The following GABRG3 variants were observed in gnomAD, a reference collection of about 807,000 sequenced individuals.
The protein encoded by GABRG3 is gamma-aminobutyric acid type A receptor subunit gamma3, also known as gamma-aminobutyric acid receptor subunit gamma-3.
A neutral mutation model predicts 48.8 loss-of-function variants in GABRG3; 25 were observed. The observed-to-expected ratio is 0.51, with a 90% CI of 0.37 to 0.72. GABRG3 has a LOEUF of 0.72. GABRG3 is among the 30% of genes least tolerant of loss of function. The pLI is 0.00. For missense variants in GABRG3, 394 were observed against 577.9 expected, an observed-to-expected ratio of 0.68 and a Z score of 3.26; for synonymous variants, 227 against 217.6, an observed-to-expected ratio of 1.04 and a Z score of -0.38.
chr15:27,375,975 C>T (rs1895581913), intron 5 of GABRG3, among the ~76,000 whole-genome samples: 1 of 152,172 alleles, frequency 6.6e-6, no homozygotes, highest in Admixed American at 6.5e-5. Flanking sequence ...GTTCCTTCTG[C>T]CTATGAGCCT....
intron 5 of GABRG3, among the ~76,000 whole-genome samples, chr15:27,431,312 A>C (rs981819790): frequency 2.0e-5 from 3 of 152,140 alleles, no homozygotes; most frequent in African/African-American, 4.8e-5. Flanking sequence ...TCATTTTTGT[A>C]ACTCGCCTTT....
rs1032848888 is a variant in GABRG3, at chr15:27,286,055, G to A, written c.271-40754G>A. On this transcript the variant is annotated intron_variant, in intron 3 of 9. Coordinates refer to ENST00000615808, the MANE Select transcript of GABRG3 (RefSeq NM_033223.5). ...TAAAAACTAAGTAATCATGGGGATC[G>A]ATCACAGAACATGAAATTAATCTTA... Among the ~76,000 whole-genome samples the A allele has an allele frequency of 4.6e-5, 7 of 152,178 alleles. No individual in the cohort carries two copies. The South Asian group carries it at 8.3e-4, about 18-fold the overall frequency.
chr15:27,528,785 T>C (rs1891346239), intron 9 of GABRG3, among the ~76,000 whole-genome samples: 1 of 152,184 alleles, frequency 6.6e-6, no homozygotes. Context: ...CTTTCATTAG[T>C]ATTTTAAGGT....
At chr15:27,001,395 C>T (rs1170598377) in intron 2 of GABRG3, among the ~76,000 whole-genome samples, 2 of 152,226 alleles carry the variant, frequency 1.3e-5, no homozygotes, top group Non-Finnish European at 2.9e-5. Flanking sequence ...AGTCCTCCAA[C>T]TGTCTGTAGA....
chr15:27,204,633 A>G (rs994274382), intron 3 of GABRG3, among the ~76,000 whole-genome samples: 1 of 152,186 alleles, frequency 6.6e-6, no homozygotes, highest in African/African-American at 2.4e-5. Context: ...TTTGGGCAGT[A>G]TAGCCATTTT....
In GABRG3 at chr15:27,284,774, C is replaced by T. The variant is rs148000038; in HGVS notation, c.271-42035C>T. Among the ~76,000 whole-genome samples the T allele has an allele frequency of 1.3e-3, 202 of 152,340 alleles. 1 individual carries two copies. Among genetic ancestry groups the T allele is most frequent in the African/African-American group, 4.6e-3 (191 of 41,562 alleles). ...ACAGGACTGTTGCTTCTTTCCTCAA[C>T]TTTGCTCCAGGCCATAATGATGAAA... On this transcript the variant is annotated intron_variant, in intron 3 of 9. Transcript: ENST00000615808.
chr15:27,527,880 G>T, intron 8 of GABRG3, 53 bp from the exon 9 acceptor site: 1 of 1,388,970 alleles, frequency 7.2e-7, no homozygotes, highest in South Asian at 1.2e-5. Context: ...GAGTGATCTT[G>T]GATGCAAATG....
rs1274976364 is a variant in GABRG3 at position 26,975,472 on chromosome 15, A to G, written c.54-1530A>G. ...AGTCATTCTTTGAGACATATGCCGT[A>G]TACTCATTGTCAACATCTCTCATTT... On this transcript the variant is annotated intron_variant, in intron 1 of 9. Transcript: ENST00000615808. The surrounding 1 kb of genome is among the most constrained non-coding windows in gnomAD (Gnocchi z 4.6). 1.3e-5 allele frequency among the ~76,000 whole-genome samples: 2 copies of G among 152,306 alleles called. No homozygotes were observed. The highest frequency in any genetic ancestry group is 1.9e-4 in the East Asian group (1 of 5,164).
chr15:27,152,096 C>A (rs938045705), intron 3 of GABRG3, among the ~76,000 whole-genome samples: 1 of 152,076 alleles, frequency 6.6e-6, no homozygotes, highest in Non-Finnish European at 1.5e-5. Context: ...CAAATATTTT[C>A]TTCCTTAGTT....
chr15:27,051,579 C>T lies in GABRG3; in HGVS notation c.270+24758C>T, dbSNP rs112865614. On this transcript the variant is annotated intron_variant, in intron 3 of 9. Coordinates refer to ENST00000615808, the MANE Select transcript of GABRG3 (RefSeq NM_033223.5). ...AAAAGGGACCTCAGATAACTCTTGT[C>T]CCTTCCTCTGTGTGGGGACACAGCA... Among the ~76,000 whole-genome samples, 851 of 152,270 alleles carry T rather than the reference C, an allele frequency of 5.6e-3. 6 individuals are homozygous for T. The highest frequency in any genetic ancestry group is 0.02 in the African/African-American group (814 of 41,544).
intron 3 of GABRG3, among the ~76,000 whole-genome samples, chr15:27,120,356 G>T (rs1362830251): frequency 6.6e-6 from 1 of 152,128 alleles, no homozygotes; most frequent in Non-Finnish European, 1.5e-5. Context: ...ACATCTAGGT[G>T]CTTCAATTAT....
At chr15:27,036,134 C>T (rs1427934564) in intron 3 of GABRG3, among the ~76,000 whole-genome samples, 1 of 152,168 alleles carries the variant, frequency 6.6e-6, no homozygotes, top group Non-Finnish European at 1.5e-5. Context: ...GGTAAGACAT[C>T]GAATAAACAA....
chr15:27,305,232 G>T (rs1443310264), intron 3 of GABRG3, among the ~76,000 whole-genome samples: 3 of 151,488 alleles, frequency 2.0e-5, no homozygotes, highest in African/African-American at 7.3e-5. Flanking sequence ...ACAGTAGAAC[G>T]CAGACTGGAA....
At chr15:27,096,459 A>G (rs1189204505) in intron 3 of GABRG3, among the ~76,000 whole-genome samples, 1 of 152,234 alleles carries the variant, frequency 6.6e-6, no homozygotes. Context: ...CAGCTTATTC[A>G]TCTTTGGACT....
chr15:27,506,197 C>G (rs1472423913), intron 6 of GABRG3, among the ~76,000 whole-genome samples: 2 of 152,154 alleles, frequency 1.3e-5, no homozygotes, highest in African/African-American at 4.8e-5. Flanking sequence ...TCCAGGATTT[C>G]CCACCTGCTA....
At chr15:27,190,394 C>A (rs1888252689) in intron 3 of GABRG3, among the ~76,000 whole-genome samples, 1 of 152,178 alleles carries the variant, frequency 6.6e-6, no homozygotes, top group Admixed American at 6.5e-5. Context: ...ATTATTGCCA[C>A]AATTTCAGCT....
chr15:27,285,314 C>T (rs1372077010), intron 3 of GABRG3, among the ~76,000 whole-genome samples: 1 of 144,856 alleles, frequency 6.9e-6, no homozygotes, highest in African/African-American at 2.5e-5. Context: ...TTCTTCTTTG[C>T]CCAAAAAAGT....
chr15:27,081,839 C>A (rs1030357096), intron 3 of GABRG3, among the ~76,000 whole-genome samples: 1 of 152,194 alleles, frequency 6.6e-6, no homozygotes, highest in Non-Finnish European at 1.5e-5. Flanking sequence ...GGTATGACAT[C>A]GATTTTCAAT....
At chr15:27,500,912 G>C (rs898462485) in intron 6 of GABRG3, among the ~76,000 whole-genome samples, 2 of 150,058 alleles carry the variant, frequency 1.3e-5, no homozygotes, top group Admixed American at 1.3e-4. Context: ...GTTAGATTTA[G>C]CCTGGGGAGG....
Sources: gnomAD v4.1 joint callset for allele counts (sites outside exome capture counted in the v4.1 genomes callset) on GRCh38, gnomAD v4.1.1 for gene constraint, Gnocchi (gnomAD v3.1) non-coding constraint, MANE v1.5 for transcripts, NCBI Gene and HGNC (gene_info 2026-07-23, HGNC 2026-07-21) for gene names.